KCNJ6: variants seen among roughly 807,000 people sequenced by gnomAD.
KCNJ6 encodes the protein G protein-activated inward rectifier potassium channel 2.
A neutral mutation model predicts 34.2 loss-of-function variants in KCNJ6; 9 were observed. That is an observed-to-expected ratio of 0.26 (90% CI 0.16 to 0.46). The LOEUF (loss-of-function observed/expected upper bound fraction) is 0.46. Among genes scored for constraint, KCNJ6 ranks in the 20% least tolerant of loss-of-function variants. KCNJ6 has a pLI of 1.00. For synonymous variants in KCNJ6, 196 were observed against 207.1 expected (o/e 0.95, Z 0.46); for missense variants, 236 against 531.3 (o/e 0.44, Z 5.46).
chr21:37,649,821 C>T lies in KCNJ6; in HGVS notation c.947-24337G>A, dbSNP rs953392382. Among the ~76,000 whole-genome samples, 6 of 152,200 alleles carry T rather than the reference C, an allele frequency of 3.9e-5. No homozygotes were observed. In the South Asian group the frequency reaches 8.3e-4, roughly 21 times the overall value. On this transcript the variant is annotated intron_variant, in intron 3 of 3. Transcript: ENST00000609713. Reference sequence around the variant, plus strand: ...TGGCTGGAGTGCAGTGGCGCCATCTCGGCTCACTGCAAACTCCGCCTCCCA... The same window carrying T: ...TGGCTGGAGTGCAGTGGCGCCATCTTGGCTCACTGCAAACTCCGCCTCCCA...
In KCNJ6 at chr21:37,911,105, C is replaced by G. The variant is rs2055865025; in HGVS notation, c.-28+4779G>C. Among the ~76,000 whole-genome samples the G allele has an allele frequency of 1.3e-5, 2 of 152,108 alleles. 1 individual carries two copies. Among genetic ancestry groups the G allele is most frequent in the South Asian group, 4.1e-4 (2 of 4,822 alleles). On this transcript the variant is annotated intron_variant, in intron 1 of 3. Coordinates refer to ENST00000609713, the MANE Select transcript of KCNJ6 (RefSeq NM_002240.5). ...TTATTTAATGTTATTAAAATGATAG[C>G]AAGTATATGTATATTCTAGTACTTT...
rs567709087 is a variant in KCNJ6 at position 37,729,333 on chromosome 21, T to G, written c.26-14202A>C. 4.7e-3 allele frequency among the ~76,000 whole-genome samples: 559 copies of G among 118,462 alleles called. 3 individuals carry two copies. Among genetic ancestry groups the G allele is most frequent in the African/African-American group, 0.017 (522 of 30,090 alleles). 77.7% of individuals were successfully genotyped at this position (118,462 alleles called of 152,430 possible). A position where few individuals can be genotyped will look rare whatever the true frequency, so the allele number is the denominator to read the frequency against. Reference sequence around the variant, plus strand: ...TTCAATACCCTGATTCTTCTTCTTTTTGGGGGGGGGGGCAGGGTCTCACTC... The same window carrying G: ...TTCAATACCCTGATTCTTCTTCTTTGTGGGGGGGGGGGCAGGGTCTCACTC... On this transcript the variant is annotated intron_variant, in intron 2 of 3. Transcript: ENST00000609713.
chr21:37,799,825 G>C (rs1045542390), intron 2 of KCNJ6, among the ~76,000 whole-genome samples: 8 of 152,122 alleles, frequency 5.3e-5, no homozygotes, highest in Admixed American at 2.6e-4. Context: ...CTAATTTTGA[G>C]AGAGCACTGT....
chr21:37,860,259 A>C (rs968088522), intron 1 of KCNJ6, among the ~76,000 whole-genome samples: 4 of 152,128 alleles, frequency 2.6e-5, no homozygotes, highest in Admixed American at 2.6e-4. Context: ...TATCGGTGAT[A>C]ATTTTTCTCC....
chr21:37,634,916 G>A (rs973859232), intron 3 of KCNJ6, among the ~76,000 whole-genome samples: 2 of 151,798 alleles, frequency 1.3e-5, no homozygotes, highest in Admixed American at 6.6e-5. Context: ...GCACCACCAC[G>A]GCTGCTAATT....
At chr21:37,789,608 G>C (rs2055207672) in intron 2 of KCNJ6, among the ~76,000 whole-genome samples, 1 of 152,198 alleles carries the variant, frequency 6.6e-6, no homozygotes, top group Admixed American at 6.5e-5. Context: ...ACACACTTGA[G>C]GATGAAAGGT....
At chr21:37,788,296 T>C (rs1477904094) in intron 2 of KCNJ6, among the ~76,000 whole-genome samples, 1 of 152,240 alleles carries the variant, frequency 6.6e-6, no homozygotes, top group Non-Finnish European at 1.5e-5. Flanking sequence ...CCATGGAACA[T>C]GGAGCTTCTT....
rs980831041 is a variant in KCNJ6, at chr21:37,607,736, A to G, written c.*17423T>C. On this transcript the variant is annotated 3_prime_UTR_variant, in exon 4 of 4. Transcript: ENST00000609713. ...CTCAGAAGCAAATCTTAGTGACTTT[A>G]TTCCAAAGAAATCTTAGAAGCCTTG... The G allele has an allele frequency of 6.6e-5, 10 of 152,194 alleles. No homozygotes were observed. Among genetic ancestry groups the G allele is most frequent in the African/African-American group, 2.4e-4 (10 of 41,446 alleles). 9.4% of individuals were successfully genotyped at this position (152,194 alleles called of 1,614,324 possible). A position where few individuals can be genotyped will look rare whatever the true frequency, so the allele number is the denominator to read the frequency against.
At chr21:37,864,871 C>CTTT (rs67735635) in intron 1 of KCNJ6, among the ~76,000 whole-genome samples, 2 of 142,796 alleles carry the variant, frequency 1.4e-5, no homozygotes, top group African/African-American at 5.3e-5. Flanking sequence ...GTCTCTCTCT[C>CTTT]TTTTTTTTTT....
At chr21:37,885,330 G>T (rs950900753) in intron 1 of KCNJ6, among the ~76,000 whole-genome samples, 1 of 152,152 alleles carries the variant, frequency 6.6e-6, no homozygotes, top group Non-Finnish European at 1.5e-5. Flanking sequence ...ACAGGTGCTT[G>T]TGTCTTATGG....
intron 2 of KCNJ6, among the ~76,000 whole-genome samples, chr21:37,751,290 T>C (rs551359125): frequency 1.2e-4 from 18 of 152,338 alleles, no homozygotes; most frequent in Admixed American, 9.8e-4. Flanking sequence ...ACGATGTGGC[T>C]GTAGCATGCA....
Position 37,890,812 on chromosome 21 carries a change from C to T in KCNJ6, c.-28+25072G>A, listed in dbSNP as rs535192323. 1.0e-3 allele frequency among the ~76,000 whole-genome samples: 156 copies of T among 152,232 alleles called. 2 individuals carry two copies. Among genetic ancestry groups the T allele is most frequent in the South Asian group, 6.0e-3 (29 of 4,818 alleles). Reference sequence around the variant, plus strand: ...AGGAGAACACTGCCTCTGACTCTGCCCGCCTCCCCCGCATCCAAGCAAGCA... The same window carrying T: ...AGGAGAACACTGCCTCTGACTCTGCTCGCCTCCCCCGCATCCAAGCAAGCA... On this transcript the variant is annotated intron_variant, in intron 1 of 3. Transcript: ENST00000609713.
chr21:37,835,447 GA>G (rs1286915828), intron 2 of KCNJ6, among the ~76,000 whole-genome samples: 1 of 152,206 alleles, frequency 6.6e-6, no homozygotes, highest in Non-Finnish European at 1.5e-5. Flanking sequence ...CGCTGTATTT[GA>G]TGCATTCCCA....
At chr21:37,912,505 C>G (rs990717217) in intron 1 of KCNJ6, among the ~76,000 whole-genome samples, 2 of 152,156 alleles carry the variant, frequency 1.3e-5, no homozygotes, top group Non-Finnish European at 2.9e-5. Flanking sequence ...AGTCTATATT[C>G]TCGTATAGCT....
chr21:37,750,000 C>T lies in KCNJ6; in HGVS notation c.26-34869G>A, dbSNP rs1404042787. On this transcript the variant is annotated intron_variant, in intron 2 of 3. Coordinates refer to ENST00000609713, the MANE Select transcript of KCNJ6 (RefSeq NM_002240.5). Reference sequence around the variant, plus strand: ...TGGGCTAAAAAGTCACAGACCTGAACCTTTATCTGCAGGATAAAACATTTG... The same window carrying T: ...TGGGCTAAAAAGTCACAGACCTGAATCTTTATCTGCAGGATAAAACATTTG... Among the ~76,000 whole-genome samples, 3 of 152,052 alleles carry T rather than the reference C, an allele frequency of 2.0e-5. No individual in the cohort carries two copies. The East Asian group carries it at 5.8e-4, about 29-fold the overall frequency.
intron 3 of KCNJ6, among the ~76,000 whole-genome samples, chr21:37,645,117 G>A (rs748427490): frequency 1.3e-5 from 2 of 150,962 alleles, no homozygotes; most frequent in African/African-American, 2.4e-5. Flanking sequence ...GCTCAAACTC[G>A]TAATCCCAGC....
chr21:37,672,359 C>T (rs919532162), intron 3 of KCNJ6, among the ~76,000 whole-genome samples: 1 of 151,804 alleles, frequency 6.6e-6, no homozygotes, highest in Non-Finnish European at 1.5e-5. Context: ...ACTTCTGCTA[C>T]CATGAAAGAA....
intron 3 of KCNJ6, among the ~76,000 whole-genome samples, chr21:37,661,639 T>TTTTTC (rs2054489570): frequency 7.5e-6 from 1 of 133,366 alleles, no homozygotes; most frequent in Non-Finnish European, 1.6e-5. Flanking sequence ...TTTTTTTTTT[T>TTTTTC]TGAGACTGGA....
In KCNJ6 at chr21:37,728,147, A is replaced by T. The variant is rs139742784; in HGVS notation, c.26-13016T>A. 4.0e-4 allele frequency among the ~76,000 whole-genome samples: 61 copies of T among 152,382 alleles called. No individual in the cohort carries two copies. In the East Asian group the frequency reaches 0.011, roughly 28 times the overall value. ...TTGAAAAGGAAGAAAATTCTAACAC[A>T]TGCTCCCACATGGGTGAAGCTTGAG... On this transcript the variant is annotated intron_variant, in intron 2 of 3. Coordinates refer to ENST00000609713, the MANE Select transcript of KCNJ6 (RefSeq NM_002240.5).
Sources: allele counts gnomAD v4.1 joint callset (sites outside exome capture counted in the v4.1 genomes callset), GRCh38; gene constraint gnomAD v4.1.1; transcripts MANE v1.5; gene names NCBI Gene and HGNC (gene_info 2026-07-23, HGNC 2026-07-21).